The following NINL variants were observed in gnomAD, a reference collection of about 807,000 sequenced individuals.
NINL encodes the protein ninein-like protein.
In NINL, 153 loss-of-function variants were observed where a neutral mutation model predicts 160.3. The ratio of observed to expected loss-of-function variants is 0.95; its 90% CI spans 0.84 to 1.09. The LOEUF (loss-of-function observed/expected upper bound fraction) is 1.09. Ranked by LOEUF, NINL falls within the 50% of genes least tolerant of loss-of-function variation. The pLI is 0.00. For synonymous variants in NINL, 800 were observed against 734.8 expected, an observed-to-expected ratio of 1.09 and a Z score of -1.43; for missense variants, 1,829 against 1,764.0, an observed-to-expected ratio of 1.04 and a Z score of -0.66.
At chr20:25,527,108 T>G (rs767526508) in intron 1 of NINL, among the ~76,000 whole-genome samples, 9 of 151,630 alleles carry the variant, frequency 5.9e-5, no homozygotes, top group Admixed American at 1.3e-4. Flanking sequence ...AAAATTCCAC[T>G]ACCATATAAA....
chr20:25,456,464 C>T (rs571908304), intron 22 of NINL, among the ~76,000 whole-genome samples: 1 of 151,916 alleles, frequency 6.6e-6, no homozygotes, highest in South Asian at 2.1e-4. Context: ...AGAATAATTG[C>T]TTGAACCCAG....
chr20:25,491,229 C>A (rs1475292838), intron 11 of NINL, 122 bp downstream of exon 11: 10 of 1,250,540 alleles, frequency 8.0e-6, no homozygotes, highest in East Asian at 2.5e-5. Context: ...CGGGCCCTGC[C>A]CTGAAACATA....
intron 1 of NINL, among the ~76,000 whole-genome samples, chr20:25,541,429 G>A (rs1401883988): frequency 6.6e-6 from 1 of 152,132 alleles, no homozygotes; most frequent in Non-Finnish European, 1.5e-5. Flanking sequence ...CTACAAGCTG[G>A]GTGGGCATTT....
rs940404909 is a variant in NINL at position 25,518,806 on chromosome 20, T to C, written c.181-957A>G. On this transcript the variant is annotated intron_variant, in intron 2 of 23. Transcript: ENST00000278886. ...GGATTTCACTTTTCTCTTATTAATT[T>C]AGACGTTATGGCCAGGCATGGTTGC... 2.6e-5 allele frequency among the ~76,000 whole-genome samples: 4 copies of C among 152,048 alleles called. No homozygotes were observed. The East Asian group carries it at 7.7e-4, about 29-fold the overall frequency.
intron 1 of NINL, among the ~76,000 whole-genome samples, chr20:25,581,469 TAA>T (rs1481140574): frequency 1.4e-5 from 2 of 145,628 alleles, no homozygotes; most frequent in African/African-American, 2.5e-5. Context: ...AATCCAAAGG[TAA>T]ATGTCCACCA....
At chr20:25,499,498 G>A (rs75294926) in intron 8 of NINL, among the ~76,000 whole-genome samples, 3,202 of 152,110 alleles carry the variant, frequency 0.021, 101 homozygotes, top group African/African-American at 0.072. Context: ...CACCCCCAGG[G>A]CTGTGGAGTC....
At chr20:25,535,720 T>A (rs937834186) in intron 1 of NINL, among the ~76,000 whole-genome samples, 30 of 152,064 alleles carry the variant, frequency 2.0e-4, no homozygotes, top group African/African-American at 9.7e-5. Flanking sequence ...AAGAAAAGTG[T>A]TCAAAATATG....
intron 11 of NINL, among the ~76,000 whole-genome samples, chr20:25,490,343 A>G (rs1460748518): frequency 3.3e-5 from 5 of 152,066 alleles, no homozygotes; most frequent in East Asian, 1.9e-4. Flanking sequence ...GGCGGATCAC[A>G]AGGTCAGGAG....
At chr20:25,468,203 T>C (rs1568849530) in intron 18 of NINL, among the ~76,000 whole-genome samples, 1 of 123,948 alleles carries the variant, frequency 8.1e-6, no homozygotes, top group Non-Finnish European at 1.8e-5. Context: ...GAGGGGACAC[T>C]CCTGCTCTGT....
chr20:25,508,896 C>T (rs1390207258), intron 5 of NINL, among the ~76,000 whole-genome samples: 1 of 152,250 alleles, frequency 6.6e-6, no homozygotes, highest in African/African-American at 2.4e-5. Context: ...CGGCCTTCCT[C>T]TTTCCTGAAG....
intron 1 of NINL, among the ~76,000 whole-genome samples, chr20:25,534,862 A>G (rs1356350167): frequency 1.3e-5 from 2 of 152,232 alleles, no homozygotes; most frequent in East Asian, 3.8e-4. Context: ...TAGATTACGT[A>G]TAATACCTAA....
intron 1 of NINL, among the ~76,000 whole-genome samples, chr20:25,570,907 T>A (rs987895683): frequency 6.6e-6 from 1 of 151,980 alleles, no homozygotes; most frequent in Non-Finnish European, 1.5e-5. Flanking sequence ...TTCACCATGT[T>A]GGCCAGGCTG....
rs768869718 is a variant in NINL at position 25,476,666 on chromosome 20, G to A, written c.2625C>T (p.Ala875=). The A allele has an allele frequency of 1.4e-5, 22 of 1,587,242 alleles. No homozygotes were observed. In the South Asian group the frequency reaches 1.7e-4, roughly 12 times the overall value. Reference sequence around the variant, plus strand: ...CCTGGGCTTGCCTGCGGCGAGGCCCGGCTCCTGCCGCCTCCTCAGACTCTC... The same window carrying A: ...CCTGGGCTTGCCTGCGGCGAGGCCCAGCTCCTGCCGCCTCCTCAGACTCTC... ...DGRESEEAAG[A]GPRRRQAQDT... is the part of the protein sequence containing the mutation. The change falls in exon 17 of 24, where the codon GCC becomes GCT. Residue 875 remains alanine (A), a synonymous_variant. Transcript: ENST00000278886.
At chr20:25,500,754 G>C (rs2063850755) in intron 8 of NINL, 86 bp downstream of exon 8, 1 of 1,483,992 alleles carries the variant, frequency 6.7e-7, no homozygotes, top group Admixed American at 1.9e-5. Flanking sequence ...TGGGTCCCCT[G>C]GCTTGGGACG....
rs1363407398 is a variant in NINL, at chr20:25,476,702, T to C, written c.2589A>G (p.Pro863=). Residue 863 remains proline (P), a synonymous_variant, in exon 17 of 24, where the codon CCA becomes CCG. Transcript: ENST00000278886. ...CCTCCTCAGACTCTCTGCCATCACC[T>C]GGGGCCAGCCAGGCCAGTGGCCGCT... ...CGERPLAWLA[P]GDGRESEEAA... is the part of the protein sequence containing the mutation. The C allele has an allele frequency of 1.0e-5, 16 of 1,596,780 alleles. No individual in the cohort carries two copies. The highest frequency in any genetic ancestry group is 1.3e-5 in the African/African-American group (1 of 74,734).
intron 1 of NINL, among the ~76,000 whole-genome samples, chr20:25,534,695 A>G (rs1489275562): frequency 2.0e-5 from 3 of 152,238 alleles, no homozygotes; most frequent in Non-Finnish European, 4.4e-5. Context: ...GTTATGTGGT[A>G]TATGACTATA....
intron 15 of NINL, among the ~76,000 whole-genome samples, chr20:25,479,427 C>A (rs150964259): frequency 6.6e-6 from 1 of 152,176 alleles, no homozygotes; most frequent in African/African-American, 2.4e-5. Flanking sequence ...TGAGGCAGGG[C>A]GGCAGGCAAG....
rs143738046 is a variant in NINL, at chr20:25,496,468, A to AC, written c.1310+194dup. Among the ~76,000 whole-genome samples the AC allele has an allele frequency of 2.4e-3, 359 of 152,296 alleles. 1 individual carries two copies. The highest frequency in any genetic ancestry group is 8.5e-3 in the African/African-American group (352 of 41,560). On this transcript the variant is annotated intron_variant, in intron 10 of 23. Coordinates refer to ENST00000278886, the MANE Select transcript of NINL (RefSeq NM_025176.6). The stretch of plus-strand genomic sequence containing the variant: ...GTAGCCAGGGCCAGGCACTGCACCA[A>AC]CCCCAGGAAGAGCAGGGCTCTGCTG...
intron 19 of NINL, among the ~76,000 whole-genome samples, chr20:25,465,244 CA>C (rs1158730800): frequency 3.9e-5 from 6 of 152,152 alleles, no homozygotes; most frequent in Non-Finnish European, 8.8e-5. Context: ...GGGGCTCTTC[CA>C]AAAGCCAGTG....
Sources: gnomAD v4.1 joint callset for allele counts (sites outside exome capture counted in the v4.1 genomes callset) on GRCh38, gnomAD v4.1.1 for gene constraint, MANE v1.5 for transcripts, NCBI Gene and HGNC (gene_info 2026-07-23, HGNC 2026-07-21) for gene names.